Variants in CGREF1 observed in about 807,000 individuals in gnomAD.
CGREF1 encodes the protein cell growth regulator with EF hand domain protein 1.
A neutral mutation model predicts 17.4 loss-of-function variants in CGREF1; 16 were observed. The observed-to-expected ratio is 0.92, with a 90% CI of 0.62 to 1.40. CGREF1 has a LOEUF of 1.40. Ranked by LOEUF, CGREF1 falls within the 40% of genes most tolerant of loss-of-function variation. The probability of loss-of-function intolerance (pLI) is 0.00; values close to 1 mark genes in which losing one functional copy is unlikely to be tolerated. For missense variants in CGREF1, 296 were observed against 376.4 expected (o/e 0.79, Z 1.77); for synonymous variants, 142 against 154.6 (o/e 0.92, Z 0.61).
intron 1 of CGREF1, among the ~76,000 whole-genome samples, chr2:27,109,044 T>C (rs1391817556): frequency 6.6e-6 from 1 of 151,892 alleles, no homozygotes; most frequent in Non-Finnish European, 1.5e-5. Flanking sequence ...TTTAGGCAAA[T>C]AACTTAGAGA....
At chr2:27,099,875 C>T (rs1362266358), downstream of CGREF1, 2 of 1,549,646 alleles carry the variant, frequency 1.3e-6, no homozygotes, top group African/African-American at 1.4e-5. Flanking sequence ...GTGGGGAGGA[C>T]TCTGCCTGTG....
intron 2 of CGREF1, chr2:27,103,068 G>C (rs1213368929): frequency 2.0e-6 from 2 of 985,258 alleles, no homozygotes; most frequent in African/African-American, 3.5e-5. Context: ...GGGTGTATCT[G>C]TTGGTTCTGG....
downstream of CGREF1, chr2:27,099,788 C>G (rs1245593219): frequency 1.2e-6 from 2 of 1,606,636 alleles, no homozygotes; most frequent in East Asian, 4.5e-5. Context: ...TGGAGACTAC[C>G]ATTGCGGCTG....
At chr2:27,101,958 C>G in intron 5 of CGREF1, 70 bp from the exon 6 acceptor site, 14 of 1,578,440 alleles carry the variant, frequency 8.9e-6, no homozygotes, top group Non-Finnish European at 1.2e-5. Flanking sequence ...CCCTCCCTAA[C>G]ACACCCTTGC....
At position 27,100,889 on chromosome 2, in the gene CGREF1, A is replaced by G. The variant is rs1670781054; in HGVS notation, c.*385T>C. The stretch of plus-strand genomic sequence containing the variant: ...GGGAACCGGTGAGGGTTTGGGGCCC[A>G]GGGATAGACTGAGCTTTCCTCACTG... On this transcript the variant is annotated 3_prime_UTR_variant, in exon 6 of 6. Transcript: ENST00000402394. The G allele has an allele frequency of 9.2e-7, 1 of 1,090,672 alleles. No individual in the cohort carries two copies. The highest frequency in any genetic ancestry group is 1.1e-6 in the Non-Finnish European group (1 of 895,304). 67.6% of individuals were successfully genotyped at this position (1,090,672 alleles called of 1,614,324 possible).
At chr2:27,109,661 G>A (rs1247305284) in intron 1 of CGREF1, among the ~76,000 whole-genome samples, 2 of 151,928 alleles carry the variant, frequency 1.3e-5, no homozygotes, top group South Asian at 2.1e-4. Context: ...CGAGGTGGGC[G>A]GATCACCTGA....
chr2:27,102,903 C>T, intron 2 of CGREF1: 1 of 984,398 alleles, frequency 1.0e-6, no homozygotes, highest in African/African-American at 1.7e-5. Context: ...GAAAACAGCC[C>T]AGTGAGTGGC....
chr2:27,118,672 G>A, intron 1 of CGREF1, 174 bp downstream of exon 1: 1 of 152,382 alleles, frequency 6.6e-6, no homozygotes, highest in East Asian at 1.9e-4. Flanking sequence ...CTGCCCTCAG[G>A]GTACACAGGG....
intron 1 of CGREF1, chr2:27,110,647 A>G (rs1255854221): frequency 6.6e-6 from 1 of 152,620 alleles, no homozygotes; most frequent in Non-Finnish European, 1.5e-5. Context: ...TTAGGAACAA[A>G]GAGAGCCAGG....
chr2:27,110,292 C>T (rs527270521), intron 1 of CGREF1, among the ~76,000 whole-genome samples: 1 of 152,026 alleles, frequency 6.6e-6, no homozygotes, highest in African/African-American at 2.4e-5. Context: ...GATCCAGCTA[C>T]TAGGGAGGCT....
At chr2:27,116,090 T>C (rs1671554359) in intron 1 of CGREF1, among the ~76,000 whole-genome samples, 1 of 151,686 alleles carries the variant, frequency 6.6e-6, no homozygotes, top group African/African-American at 2.4e-5. Flanking sequence ...TTAGACAGCA[T>C]GGTGGCTCAA....
chr2:27,101,672 G>A lies in CGREF1; in HGVS notation c.559C>T (p.Pro187Ser). 1 of 1,614,248 alleles carries A rather than the reference G, an allele frequency of 6.2e-7. No individual in the cohort carries two copies. The change falls in exon 6 of 6, where the codon CCC becomes TCC. Residue 187 changes from proline (P) to serine (S), a missense_variant. Transcript: ENST00000402394. ...LRQETQEAPG[P>S]REEAKGQVEA... is the part of the protein sequence containing the mutation. Reference sequence around the variant, plus strand: ...ACCTGGCCCTTTGCTTCTTCTCTGGGACCAGGGGCTTCCTGTGTTTCTTGT... The same window carrying A: ...ACCTGGCCCTTTGCTTCTTCTCTGGAACCAGGGGCTTCCTGTGTTTCTTGT...
chr2:27,116,871 T>TTCTCTCTCTCTCTCTCTCTCTCTCCC (rs1671588026), intron 1 of CGREF1, among the ~76,000 whole-genome samples: 13 of 33,680 alleles, frequency 3.9e-4, no homozygotes, highest in Admixed American at 7.9e-4. Context: ...GCCAGGCCTA[T>TTCTCTCTCTCTCTCTCTCTCTCTCCC]TCTCTCTCTC....
At chr2:27,111,376 G>A (rs1458220478) in intron 1 of CGREF1, among the ~76,000 whole-genome samples, 1 of 152,222 alleles carries the variant, frequency 6.6e-6, no homozygotes, top group African/African-American at 2.4e-5. Context: ...GTGCCAACTG[G>A]CGTATTTACA....
chr2:27,100,869 C>A lies in CGREF1; in HGVS notation c.*405G>T. 1 of 1,088,268 alleles carries A rather than the reference C, an allele frequency of 9.2e-7. No individual in the cohort carries two copies. Among genetic ancestry groups the A allele is most frequent in the South Asian group, 2.7e-5 (1 of 37,514 alleles). The allele number at this position is 1,088,268 out of a possible 1,614,324, so 67.4% of individuals were successfully genotyped here. On this transcript the variant is annotated 3_prime_UTR_variant, in exon 6 of 6. Transcript: ENST00000402394. The stretch of plus-strand genomic sequence containing the variant: ...TGTCTGAACACCAGGTGAGGGGGAA[C>A]CGGTGAGGGTTTGGGGCCCAGGGAT...
At chr2:27,116,921 C>CT (rs1187990534) in intron 1 of CGREF1, among the ~76,000 whole-genome samples, 4 of 65,452 alleles carry the variant, frequency 6.1e-5, no homozygotes, top group African/African-American at 2.4e-4. Flanking sequence ...CTCTCTCTCT[C>CT]TCTTTTTTTG....
At chr2:27,111,737 C>T (rs1456881931) in intron 1 of CGREF1, among the ~76,000 whole-genome samples, 3 of 149,848 alleles carry the variant, frequency 2.0e-5, no homozygotes, top group East Asian at 1.9e-4. Flanking sequence ...TGCCCGGGGC[C>T]GGCGGGGCCG....
At chr2:27,116,874 T>TCTCTCTCTCTCTCTCTCTCTCC (rs1671591163) in intron 1 of CGREF1, among the ~76,000 whole-genome samples, 32 of 21,482 alleles carry the variant, frequency 1.5e-3, no homozygotes, top group Non-Finnish European at 1.9e-3. Context: ...AGGCCTATTC[T>TCTCTCTCTCTCTCTCTCTCTCC]CTCTCTCTCT....
At chr2:27,111,901 A>C (rs1441462153) in intron 1 of CGREF1, among the ~76,000 whole-genome samples, 1 of 152,172 alleles carries the variant, frequency 6.6e-6, no homozygotes, top group East Asian at 1.9e-4. Flanking sequence ...TGGCCAGTAC[A>C]GAAAGGGGCT....
Sources: gnomAD v4.1 joint callset for allele counts (sites outside exome capture counted in the v4.1 genomes callset) on GRCh38, gnomAD v4.1.1 for gene constraint, MANE v1.5 for transcripts, NCBI Gene and HGNC (gene_info 2026-07-23, HGNC 2026-07-21) for gene names.